NCKAP5L: variants seen among roughly 807,000 people sequenced by gnomAD.
NCKAP5L encodes NCK associated protein 5 like, also known as nck-associated protein 5-like.
NCKAP5L carries 54 observed loss-of-function variants against 103.2 expected under a neutral mutation model. That is an observed-to-expected ratio of 0.52 (90% CI 0.42 to 0.66). NCKAP5L has a LOEUF of 0.66. NCKAP5L is among the 30% of genes least tolerant of loss of function. NCKAP5L has a pLI of 0.00. For synonymous variants in NCKAP5L, 762 were observed against 748.6 expected (o/e 1.02, Z -0.29); for missense variants, 1,733 against 1,750.6 (o/e 0.99, Z 0.18).
chr12:49,823,617 G>C (rs558021845), intron 1 of NCKAP5L, among the ~76,000 whole-genome samples: 48 of 151,626 alleles, frequency 3.2e-4, no homozygotes, highest in African/African-American at 1.0e-3. Context: ...AGCAGAATGG[G>C]GTCTTCTCTC....
Position 49,798,346 on chromosome 12 carries a change from C to T in NCKAP5L, c.465+4G>A. On this transcript the variant is annotated splice_donor_region_variant and intron_variant, in intron 7 of 12. Transcript: ENST00000335999. Reference sequence around the variant, plus strand: ...GTACTGACCACAATACCTAGCCCTCCTACCTCTCTCTGCCCAGCACAGTGC... The same window carrying T: ...GTACTGACCACAATACCTAGCCCTCTTACCTCTCTCTGCCCAGCACAGTGC... 1 of 1,554,374 alleles carries T rather than the reference C, an allele frequency of 6.4e-7. No individual in the cohort carries two copies. The highest frequency in any genetic ancestry group is 8.7e-7 in the Non-Finnish European group (1 of 1,147,892).
chr12:49,820,480 C>T (rs1303303529), intron 1 of NCKAP5L, among the ~76,000 whole-genome samples: 1 of 152,088 alleles, frequency 6.6e-6, no homozygotes, highest in East Asian at 1.9e-4. Flanking sequence ...TTATGCCTGG[C>T]TAATTTTTGT....
intron 1 of NCKAP5L, among the ~76,000 whole-genome samples, chr12:49,825,769 G>A (rs1203727078): frequency 6.6e-6 from 1 of 152,192 alleles, no homozygotes; most frequent in Admixed American, 6.5e-5. Flanking sequence ...GCCCAGGAGA[G>A]CCAGCAGAGG....
At chr12:49,824,343 G>A (rs1946393220) in intron 1 of NCKAP5L, among the ~76,000 whole-genome samples, 1 of 152,242 alleles carries the variant, frequency 6.6e-6, no homozygotes, top group African/African-American at 2.4e-5. Context: ...TGGGAGTGGG[G>A]AGCACCTTAC....
intron 1 of NCKAP5L, among the ~76,000 whole-genome samples, chr12:49,821,355 G>A (rs1373178727): frequency 1.3e-5 from 2 of 152,182 alleles, no homozygotes; most frequent in South Asian, 2.1e-4. Flanking sequence ...GATGTGATGC[G>A]GGTGGGGGAA....
chr12:49,827,939 G>A (rs1229916339), intron 1 of NCKAP5L, among the ~76,000 whole-genome samples: 1 of 152,244 alleles, frequency 6.6e-6, no homozygotes, highest in Non-Finnish European at 1.5e-5. Context: ...GCACCCGGAC[G>A]GTGGGATGCG....
intron 1 of NCKAP5L, among the ~76,000 whole-genome samples, chr12:49,827,742 C>A (rs1044077426): frequency 3.3e-5 from 5 of 152,230 alleles, no homozygotes; most frequent in Non-Finnish European, 7.3e-5. Flanking sequence ...CGCAGCCCCT[C>A]AAAGCCTTTG....
chr12:49,820,380 G>C (rs112059408), intron 1 of NCKAP5L, among the ~76,000 whole-genome samples: 3,021 of 148,880 alleles, frequency 0.02, 76 homozygotes, highest in African/African-American at 0.067. Context: ...GCAGTGGCGC[G>C]ATCTCGGCTC....
chr12:49,791,844 C>G lies in NCKAP5L; in HGVS notation c.4000G>C (p.Gly1334Arg). 1 of 1,601,982 alleles carries G rather than the reference C, an allele frequency of 6.2e-7. No individual in the cohort carries two copies. Among genetic ancestry groups the G allele is most frequent in the Non-Finnish European group, 8.5e-7 (1 of 1,173,334 alleles). ...YDSLSSCGSQ[G>R] ...CCGTGGCGTGGCGCAGCCCCTCAGC[C>G]CTGACTCCCACAAGAGGACAGCGAG... The change falls in exon 13 of 13, where the codon GGC becomes CGC. Residue 1334 changes from glycine (G) to arginine (R), a missense_variant. Transcript: ENST00000335999.
chr12:49,791,832 C>G lies in NCKAP5L; in HGVS notation c.*7G>C. 1.9e-6 allele frequency: 3 copies of G among 1,581,338 alleles called. No individual in the cohort carries two copies. The highest frequency in any genetic ancestry group is 2.6e-6 in the Non-Finnish European group (3 of 1,161,742). On this transcript the variant is annotated 3_prime_UTR_variant, in exon 13 of 13. Transcript: ENST00000335999. ...GCTCCAGCGGGGCCGTGGCGTGGCG[C>G]AGCCCCTCAGCCCTGACTCCCACAA...
At chr12:49,816,178 C>A (rs1023745432) in intron 1 of NCKAP5L, among the ~76,000 whole-genome samples, 18 of 152,288 alleles carry the variant, frequency 1.2e-4, no homozygotes, top group Middle Eastern at 3.4e-3. Context: ...AGAAGGGGAG[C>A]TCCCCGAGGA....
Position 49,796,217 on chromosome 12 carries a change from G to C in NCKAP5L, c.1643C>G (p.Pro548Arg). The change falls in exon 8 of 13, where the codon CCA (proline) becomes CGA (arginine). Residue 548 changes from proline (P) to arginine (R), a missense_variant. Physicochemically the swap from Pro to Arg is moderately radical, Grantham distance 103. Transcript: ENST00000335999. ...PQSALSTTLS[P>R]GPVVSPCYEN... Reference sequence around the variant, plus strand: ...ATAGCAGGGAGACACCACTGGGCCTGGGGACAGCGTGGTGGACAAGGCTGA... The same window carrying C: ...ATAGCAGGGAGACACCACTGGGCCTCGGGACAGCGTGGTGGACAAGGCTGA... 2 of 1,590,606 alleles carry C rather than the reference G, an allele frequency of 1.3e-6. No individual in the cohort carries two copies. Among genetic ancestry groups the C allele is most frequent in the Non-Finnish European group, 1.7e-6 (2 of 1,169,104 alleles).
rs763691727 is a variant in NCKAP5L, at chr12:49,792,357, C to T, written c.3792+89G>A. 9.0e-6 allele frequency: 14 copies of T among 1,564,084 alleles called. No individual in the cohort carries two copies. Among genetic ancestry groups the T allele is most frequent in the Non-Finnish European group, 1.1e-5 (13 of 1,155,234 alleles). Reference sequence around the variant, plus strand: ...TGCAGCACTGAGACTGTGCGACACACAGGCCGTACCTTACTGGAGAAACTG... The same window carrying T: ...TGCAGCACTGAGACTGTGCGACACATAGGCCGTACCTTACTGGAGAAACTG... On this transcript the variant is annotated intron_variant, in intron 12 of 12. Coordinates refer to ENST00000335999, the MANE Select transcript of NCKAP5L (RefSeq NM_001037806.4). The surrounding 1 kb of genome is among the most constrained non-coding windows in gnomAD (Gnocchi z 4.5).
intron 1 of NCKAP5L, among the ~76,000 whole-genome samples, chr12:49,811,333 A>G (rs112855329): frequency 0.025 from 3,840 of 151,856 alleles, 137 homozygotes; most frequent in African/African-American, 0.084. Flanking sequence ...AGTAGCACAC[A>G]CCCTCTCCAC....
chr12:49,813,049 T>A (rs904916544), intron 1 of NCKAP5L, among the ~76,000 whole-genome samples: 1 of 152,258 alleles, frequency 6.6e-6, no homozygotes, highest in African/African-American at 2.4e-5. Context: ...TGTTATTTTT[T>A]AATTGATTTT....
intron 5 of NCKAP5L, chr12:49,802,209 C>T: frequency 2.3e-6 from 1 of 426,560 alleles, no homozygotes; most frequent in South Asian, 4.5e-5. Flanking sequence ...ATCCTATTCT[C>T]TTTGTTATCT....
At chr12:49,827,910 A>G (rs142729122) in intron 1 of NCKAP5L, among the ~76,000 whole-genome samples, 1,857 of 152,186 alleles carry the variant, frequency 0.012, 42 homozygotes, top group African/African-American at 0.042. Context: ...CCCCCGCAAT[A>G]ACCCGGCACC....
At chr12:49,815,488 A>G (rs931814302) in intron 1 of NCKAP5L, among the ~76,000 whole-genome samples, 7 of 152,200 alleles carry the variant, frequency 4.6e-5, no homozygotes, top group Admixed American at 2.0e-4. Context: ...GCCATTGAGA[A>G]TCTTTCAGGT....
chr12:49,803,786 C>T (rs1230252793), intron 3 of NCKAP5L, 136 bp downstream of exon 3: 1 of 1,177,382 alleles, frequency 8.5e-7, no homozygotes, highest in Admixed American at 2.6e-5. Flanking sequence ...GTTCTGCTAG[C>T]CTCCTGCCTG....
Sources: gnomAD v4.1 joint callset for allele counts (sites outside exome capture counted in the v4.1 genomes callset) on GRCh38, gnomAD v4.1.1 for gene constraint, Gnocchi (gnomAD v3.1) non-coding constraint, MANE v1.5 for transcripts, NCBI Gene and HGNC (gene_info 2026-07-23, HGNC 2026-07-21) for gene names.